Variants in PRKCH observed in about 807,000 individuals in gnomAD.
The protein encoded by PRKCH is protein kinase C eta type.
A neutral mutation model predicts 82.5 loss-of-function variants in PRKCH; 28 were observed. The ratio of observed to expected loss-of-function variants is 0.34; its 90% CI spans 0.25 to 0.47. The LOEUF is 0.47. Among genes scored for constraint, PRKCH ranks in the 20% least tolerant of loss-of-function variants. The pLI is 1.00. For synonymous variants in PRKCH, 322 were observed against 327.4 expected, an observed-to-expected ratio of 0.98 and a Z score of 0.18; for missense variants, 705 against 881.8, an observed-to-expected ratio of 0.80 and a Z score of 2.54.
intron 1 of PRKCH, among the ~76,000 whole-genome samples, chr14:61,292,769 T>TC (rs2045374917): frequency 2.3e-5 from 1 of 43,018 alleles, no homozygotes; most frequent in Non-Finnish European, 5.0e-5. Flanking sequence ...AGACTCCATC[T>TC]CCAAAAAAAA....
chr14:61,432,755 A>G (rs1883467881), intron 2 of PRKCH, among the ~76,000 whole-genome samples: 1 of 152,118 alleles, frequency 6.6e-6, no homozygotes, highest in Non-Finnish European at 1.5e-5. Flanking sequence ...AGAATACATG[A>G]CTTCCAGAGT....
chr14:61,372,126 A>G (rs571106941), intron 1 of PRKCH, among the ~76,000 whole-genome samples: 1 of 152,086 alleles, frequency 6.6e-6, no homozygotes, highest in East Asian at 1.9e-4. Flanking sequence ...TTCTGGCACT[A>G]AAAGATGCCC....
intron 1 of PRKCH, among the ~76,000 whole-genome samples, chr14:61,348,280 C>T (rs903708764): frequency 6.6e-6 from 1 of 152,072 alleles, no homozygotes; most frequent in Non-Finnish European, 1.5e-5. Context: ...GTGGTGCACC[C>T]AGTTTTAAAA....
intron 10 of PRKCH, among the ~76,000 whole-genome samples, chr14:61,523,403 A>T (rs954098059): frequency 6.6e-6 from 1 of 152,182 alleles, no homozygotes; most frequent in Non-Finnish European, 1.5e-5. Context: ...GAAACAATCT[A>T]TCCGGGGGAT....
At chr14:61,504,111 T>A (rs904282656) in intron 10 of PRKCH, among the ~76,000 whole-genome samples, 1 of 152,174 alleles carries the variant, frequency 6.6e-6, no homozygotes, top group African/African-American at 2.4e-5. Context: ...CCCCATGTCA[T>A]CATTTGCCCA....
rs1051789677 is a variant in PRKCH at position 61,436,267 on chromosome 14, C to T, written c.428-6844C>T. On this transcript the variant is annotated intron_variant, in intron 2 of 13. Coordinates refer to ENST00000332981, the MANE Select transcript of PRKCH (RefSeq NM_006255.5). ...GTCAGTCTAGTAACAAATTATTTTC[C>T]TCTCCTTCTTTTGCCATCCCATTTA... 2.0e-5 allele frequency among the ~76,000 whole-genome samples: 3 copies of T among 152,146 alleles called. No individual in the cohort carries two copies. The East Asian group carries it at 5.8e-4, about 29-fold the overall frequency.
chr14:61,423,802 C>T (rs1566873981), intron 2 of PRKCH, among the ~76,000 whole-genome samples: 2 of 152,134 alleles, frequency 1.3e-5, no homozygotes, highest in East Asian at 3.8e-4. Flanking sequence ...GTCCTCGACC[C>T]CAGATCCATT....
intron 1 of PRKCH, among the ~76,000 whole-genome samples, chr14:61,342,881 G>A (rs950615353): frequency 1.3e-5 from 2 of 152,148 alleles, no homozygotes; most frequent in South Asian, 2.1e-4. Flanking sequence ...TCTCTCTACC[G>A]GCTAACATTA....
At chr14:61,334,289 C>T (rs932704121) in intron 1 of PRKCH, among the ~76,000 whole-genome samples, 13 of 152,096 alleles carry the variant, frequency 8.5e-5, no homozygotes, top group Non-Finnish European at 1.3e-4. Context: ...CCAGCACTGC[C>T]GCCCTAGCAC....
chr14:61,192,479 G>A (rs1566775487), intron 1 of PRKCH, among the ~76,000 whole-genome samples: 1 of 152,176 alleles, frequency 6.6e-6, no homozygotes, highest in Non-Finnish European at 1.5e-5. Flanking sequence ...ATAGTAAATG[G>A]TCTGAAAACT....
At chr14:61,425,892 C>A (rs1024368966) in intron 2 of PRKCH, among the ~76,000 whole-genome samples, 5 of 152,222 alleles carry the variant, frequency 3.3e-5, no homozygotes, top group South Asian at 2.1e-4. Context: ...TGAGTGAGTT[C>A]TCATGAGATC....
At chr14:61,510,746 C>A (rs1887344007) in intron 10 of PRKCH, among the ~76,000 whole-genome samples, 1 of 152,070 alleles carries the variant, frequency 6.6e-6, no homozygotes, top group Non-Finnish European at 1.5e-5. Flanking sequence ...AGCAGGGCAA[C>A]TGTGCACAAC....
chr14:61,328,207 G>T lies in PRKCH; in HGVS notation c.363+5743G>T, dbSNP rs982019970. On this transcript the variant is annotated intron_variant, in intron 1 of 13. Coordinates refer to ENST00000332981, the MANE Select transcript of PRKCH (RefSeq NM_006255.5). ...GGAGCTTGCAGTGAGCCGAGATTGC[G>T]CCACTGCGGTCCGCAGTCCGGCCTG... is the stretch of plus-strand genomic sequence containing the variant. 3.7e-5 allele frequency among the ~76,000 whole-genome samples: 5 copies of T among 134,676 alleles called. No individual in the cohort carries two copies. In the Admixed American group the frequency reaches 4.3e-4, roughly 12 times the overall value. The allele number at this position is 134,676 out of a possible 152,430, so 88.4% of individuals were successfully genotyped here. A position where few individuals can be genotyped will look rare whatever the true frequency, so the allele number is the denominator to read the frequency against.
chr14:61,414,740 A>G (rs762921507), intron 2 of PRKCH, among the ~76,000 whole-genome samples: 1 of 151,902 alleles, frequency 6.6e-6, no homozygotes, highest in South Asian at 2.1e-4. Context: ...CAGCCTCCCA[A>G]AGTGCTGGGA....
chr14:61,197,381 G>GC (rs763653718), intron 1 of PRKCH, among the ~76,000 whole-genome samples: 1 of 152,146 alleles, frequency 6.6e-6, no homozygotes, highest in Non-Finnish European at 1.5e-5. Flanking sequence ...ATAGGGCTTA[G>GC]CCCAGTACTA....
At chr14:61,380,816 CTGTT>C (rs751071316) in intron 1 of PRKCH, among the ~76,000 whole-genome samples, 9 of 152,152 alleles carry the variant, frequency 5.9e-5, no homozygotes, top group African/African-American at 1.7e-4. Context: ...ATAGTTTTGA[CTGTT>C]TGTGATTTTT....
At chr14:61,410,548 A>G (rs1000587496) in intron 2 of PRKCH, among the ~76,000 whole-genome samples, 2 of 152,172 alleles carry the variant, frequency 1.3e-5, no homozygotes, top group African/African-American at 2.4e-5. Flanking sequence ...ATGCTGGTGA[A>G]TGGAGTCTAA....
At chr14:61,498,028 A>C (rs547396464) in intron 10 of PRKCH, among the ~76,000 whole-genome samples, 10 of 151,884 alleles carry the variant, frequency 6.6e-5, no homozygotes, top group South Asian at 2.1e-4. Context: ...TTATTTATTT[A>C]TTTAGAGATG....
rs2045634077 is a variant in PRKCH, at chr14:61,322,147, A to T, written c.46A>T (p.Ile16Phe). 3.7e-6 allele frequency: 6 copies of T among 1,606,502 alleles called. No individual in the cohort carries two copies. The highest frequency in any genetic ancestry group is 5.1e-6 in the Non-Finnish European group (6 of 1,176,674). Residue 16 changes from isoleucine to phenylalanine, a missense_variant, in exon 1 of 14, where the codon ATC (isoleucine) becomes TTC (phenylalanine). By Grantham distance (21) the Ile-to-Phe change is conservative. This residue lies in a region of PRKCH where 246 missense variants were observed against 308.0 expected (regional missense o/e 0.80). Transcript: ENST00000332981. The stretch of plus-strand genomic sequence containing the variant: ...GTTCAATGGCTATTTGAGGGTCCGC[A>T]TCGGTGAGGCAGTGGGGCTGCAGCC... ...MKFNGYLRVR[I>F]GEAVGLQPTR...
Sources: gnomAD v4.1 joint callset for allele counts (sites outside exome capture counted in the v4.1 genomes callset) on GRCh38, gnomAD v4.1.1 for gene constraint, gnomAD v4.1.1 regional missense constraint, MANE v1.5 for transcripts, NCBI Gene and HGNC (gene_info 2026-07-23, HGNC 2026-07-21) for gene names.